Variants in RTN1 observed in about 807,000 individuals in gnomAD.
The protein encoded by RTN1 is reticulon 1.
RTN1 carries 25 observed loss-of-function variants against 65.5 expected under a neutral mutation model. The observed-to-expected ratio is 0.38, with a 90% CI of 0.28 to 0.53. The LOEUF (loss-of-function observed/expected upper bound fraction) is 0.53. Ranked by LOEUF, RTN1 falls within the 20% of genes least tolerant of loss-of-function variation. The probability of loss-of-function intolerance (pLI) is 0.79; values close to 1 mark genes in which losing one functional copy is unlikely to be tolerated. For synonymous variants in RTN1, 471 were observed against 447.6 expected, an observed-to-expected ratio of 1.05 and a Z score of -0.66; for missense variants, 983 against 1,025.4, an observed-to-expected ratio of 0.96 and a Z score of 0.57.
In RTN1 at chr14:59,605,622, C is replaced by T. The variant is rs564777046; in HGVS notation, c.1974-116G>A. The T allele has an allele frequency of 2.4e-4, 266 of 1,106,164 alleles. 1 individual carries two copies. Among genetic ancestry groups the T allele is most frequent in the Admixed American group, 1.3e-3 (61 of 47,826 alleles). 68.5% of individuals were successfully genotyped at this position (1,106,164 alleles called of 1,614,324 possible). A position where few individuals can be genotyped will look rare whatever the true frequency, so the allele number is the denominator to read the frequency against. On this transcript the variant is annotated intron_variant, in intron 4 of 8. Coordinates refer to ENST00000267484, the MANE Select transcript of RTN1 (RefSeq NM_021136.3). ...TCACTCTGAGGGTGAGAGCAGGAGT[C>T]ATCTCTGGGGGGTTATGCCAGCCAG... is the stretch of plus-strand genomic sequence containing the variant.
chr14:59,733,640 T>C (rs900775606), intron 2 of RTN1, among the ~76,000 whole-genome samples: 3 of 152,208 alleles, frequency 2.0e-5, no homozygotes, highest in African/African-American at 7.2e-5. Flanking sequence ...TGTTGAGGCA[T>C]GGCCAGACTG....
intron 3 of RTN1, among the ~76,000 whole-genome samples, chr14:59,631,320 G>T (rs1594642722): frequency 6.6e-6 from 1 of 152,212 alleles, no homozygotes; most frequent in South Asian, 2.1e-4. Context: ...CCAGACCAAA[G>T]CCCTTGGACT....
chr14:59,869,864 G>A (rs998920666), intron 1 of RTN1, among the ~76,000 whole-genome samples: 3 of 152,166 alleles, frequency 2.0e-5, no homozygotes, highest in Admixed American at 6.5e-5. Flanking sequence ...GTAAGGTGTG[G>A]TGGCGATTCG....
intron 1 of RTN1, among the ~76,000 whole-genome samples, chr14:59,764,350 C>T (rs974757403): frequency 6.7e-6 from 1 of 148,846 alleles, no homozygotes; most frequent in Non-Finnish European, 1.5e-5. Flanking sequence ...GATGGAGTTT[C>T]GCTCTTGTTG....
intron 3 of RTN1, chr14:59,610,280 C>A: frequency 1.6e-6 from 1 of 608,618 alleles, no homozygotes; most frequent in South Asian, 2.0e-5. Context: ...GGTGTAGGGT[C>A]GTCTCTTAGC....
chr14:59,701,139 A>C (rs556008933), intron 3 of RTN1, among the ~76,000 whole-genome samples: 1 of 152,338 alleles, frequency 6.6e-6, no homozygotes, highest in South Asian at 2.1e-4. Flanking sequence ...CATCATTAAA[A>C]TGCAAATCAA....
At chr14:59,736,202 A>C (rs1323395841) in intron 2 of RTN1, among the ~76,000 whole-genome samples, 1 of 152,264 alleles carries the variant, frequency 6.6e-6, no homozygotes, top group South Asian at 2.1e-4. Flanking sequence ...AAGGAGACAG[A>C]GACATGAAAA....
At chr14:59,867,832 CTT>C (rs1287188686) in intron 1 of RTN1, among the ~76,000 whole-genome samples, 4 of 152,122 alleles carry the variant, frequency 2.6e-5, no homozygotes, top group African/African-American at 4.8e-5. Context: ...AAGCACCACT[CTT>C]TTAAAAAAAT....
chr14:59,622,468 A>C (rs921534902), intron 3 of RTN1, among the ~76,000 whole-genome samples: 1 of 152,182 alleles, frequency 6.6e-6, no homozygotes, highest in African/African-American at 2.4e-5. Context: ...ACTTTTTAGC[A>C]AGCTTCCAAT....
intron 1 of RTN1, among the ~76,000 whole-genome samples, chr14:59,775,442 G>T (rs897579125): frequency 6.6e-6 from 1 of 151,922 alleles, no homozygotes; most frequent in African/African-American, 2.4e-5. Context: ...CCAGTATTTT[G>T]AACACAATGC....
intron 1 of RTN1, among the ~76,000 whole-genome samples, chr14:59,842,853 G>C (rs1218027715): frequency 6.6e-6 from 1 of 152,106 alleles, no homozygotes; most frequent in Admixed American, 6.6e-5. Context: ...GGTGAGGATG[G>C]AAAACAACTA....
At chr14:59,691,475 C>T (rs535244123) in intron 3 of RTN1, among the ~76,000 whole-genome samples, 1 of 152,204 alleles carries the variant, frequency 6.6e-6, no homozygotes, top group African/African-American at 2.4e-5. Context: ...CCAGACCAGA[C>T]TGATTCACAC....
intron 1 of RTN1, among the ~76,000 whole-genome samples, chr14:59,850,657 C>T (rs201591398): frequency 1.1e-4 from 17 of 152,298 alleles, no homozygotes; most frequent in Middle Eastern, 3.4e-3. Flanking sequence ...CAATAAATGA[C>T]GTCAGTGTTC....
chr14:59,634,336 C>A (rs1242413780), intron 3 of RTN1, among the ~76,000 whole-genome samples: 2 of 152,092 alleles, frequency 1.3e-5, no homozygotes, highest in Non-Finnish European at 2.9e-5. Flanking sequence ...ATAAAAGGCA[C>A]AGAACCAAAA....
chr14:59,672,625 C>CTTTTTTT (rs71111662), intron 3 of RTN1, among the ~76,000 whole-genome samples: 19 of 79,100 alleles, frequency 2.4e-4, no homozygotes, highest in African/African-American at 3.8e-4. Flanking sequence ...CAAGATATTT[C>CTTTTTTT]TTTTTTTTTT....
At chr14:59,617,363 T>C (rs1882131121) in intron 3 of RTN1, among the ~76,000 whole-genome samples, 1 of 152,216 alleles carries the variant, frequency 6.6e-6, no homozygotes, top group African/African-American at 2.4e-5. Flanking sequence ...AACCCATTGC[T>C]GGGCTCAGCT....
chr14:59,787,157 T>C (rs1363559424), intron 1 of RTN1, among the ~76,000 whole-genome samples: 1 of 152,166 alleles, frequency 6.6e-6, no homozygotes, highest in Non-Finnish European at 1.5e-5. Flanking sequence ...AAAATAATGT[T>C]ATAAATGATG....
At chr14:59,649,490 A>G (rs139812765) in intron 3 of RTN1, among the ~76,000 whole-genome samples, 1 of 152,136 alleles carries the variant, frequency 6.6e-6, no homozygotes, top group Non-Finnish European at 1.5e-5. Context: ...AATGGGAGAA[A>G]ATTTTTGCAA....
intron 3 of RTN1, among the ~76,000 whole-genome samples, chr14:59,623,546 G>A (rs1422821160): frequency 6.6e-6 from 1 of 152,192 alleles, no homozygotes; most frequent in Non-Finnish European, 1.5e-5. Context: ...GATAGTTGAG[G>A]CATGAAGAAA....
Sources: allele counts gnomAD v4.1 joint callset (sites outside exome capture counted in the v4.1 genomes callset), GRCh38; gene constraint gnomAD v4.1.1; transcripts MANE v1.5; gene names NCBI Gene and HGNC (gene_info 2026-07-23, HGNC 2026-07-21).